ADAM17: variants seen among roughly 807,000 people sequenced by gnomAD.
ADAM17 encodes disintegrin and metalloproteinase domain-containing protein 17.
A neutral mutation model predicts 96.7 loss-of-function variants in ADAM17; 39 were observed. That is an observed-to-expected ratio of 0.40 (90% confidence interval 0.31 to 0.53). ADAM17 has a LOEUF of 0.53. ADAM17 is among the 20% of genes least tolerant of loss of function. The probability of loss-of-function intolerance (pLI) is 0.44; values close to 1 mark genes in which losing one functional copy is unlikely to be tolerated. For missense variants in ADAM17, 777 were observed against 1,013.2 expected (o/e 0.77, Z 3.17); for synonymous variants, 344 against 359.2 (o/e 0.96, Z 0.48).
At chr2:9,549,845 TA>T (rs1277047486) in intron 1 of ADAM17, among the ~76,000 whole-genome samples, 1 of 152,164 alleles carries the variant, frequency 6.6e-6, no homozygotes, top group Admixed American at 6.6e-5. Context: ...TAATTTCTTT[TA>T]TTTTTTCAGC....
chr2:9,555,244 A>G (rs972597644), intron 1 of ADAM17, among the ~76,000 whole-genome samples: 2 of 152,106 alleles, frequency 1.3e-5, no homozygotes, highest in Non-Finnish European at 2.9e-5. Context: ...CTCCCCGAAC[A>G]CAAAGCTAGG....
chr2:9,539,373 C>T (rs1665117330), intron 2 of ADAM17, among the ~76,000 whole-genome samples: 3 of 152,154 alleles, frequency 2.0e-5, no homozygotes, highest in Admixed American at 6.5e-5. Context: ...GCTCGGCCTC[C>T]CAAAGTGCTG....
At chr2:9,503,708 G>A (rs1358011117) in intron 12 of ADAM17, among the ~76,000 whole-genome samples, 1 of 151,792 alleles carries the variant, frequency 6.6e-6, no homozygotes, top group Non-Finnish European at 1.5e-5. Context: ...GCGTGGTGGT[G>A]CACACTGTAA....
At chr2:9,507,755 T>G (rs1185422164) in intron 11 of ADAM17, among the ~76,000 whole-genome samples, 2 of 152,154 alleles carry the variant, frequency 1.3e-5, no homozygotes, top group Admixed American at 6.5e-5. Context: ...AGTCTCACTC[T>G]GTCATCCAGG....
At chr2:9,536,669 AG>A (rs1553366228) in intron 3 of ADAM17, 28 bp downstream of exon 3, 1 of 1,612,506 alleles carries the variant, frequency 6.2e-7, no homozygotes, top group Non-Finnish European at 8.5e-7. Context: ...CACCAGACAC[AG>A]GGGCAAACCA....
chr2:9,502,950 C>T (rs1663105312), intron 12 of ADAM17, among the ~76,000 whole-genome samples: 2 of 149,078 alleles, frequency 1.3e-5, no homozygotes, highest in Non-Finnish European at 3.0e-5. Flanking sequence ...ACCAGCCTGG[C>T]CAACATGGTG....
chr2:9,554,070 A>C (rs937855957), intron 1 of ADAM17, among the ~76,000 whole-genome samples: 3 of 148,582 alleles, frequency 2.0e-5, no homozygotes, highest in Non-Finnish European at 4.6e-5. Flanking sequence ...CTTGGAAAAA[A>C]AAAATGGTCT....
chr2:9,511,493 G>A (rs1027654133), intron 10 of ADAM17, among the ~76,000 whole-genome samples: 1 of 151,876 alleles, frequency 6.6e-6, no homozygotes, highest in African/African-American at 2.4e-5. Flanking sequence ...ACAAAACAAT[G>A]TTTTATTTTC....
Position 9,534,562 on chromosome 2 carries a change from C to T in ADAM17, c.450+1272G>A, listed in dbSNP as rs146283701. 8.8e-3 allele frequency among the ~76,000 whole-genome samples: 1,345 copies of T among 152,012 alleles called. 13 individuals carry two copies. The highest frequency in any genetic ancestry group is 0.014 in the Non-Finnish European group (933 of 67,962). On this transcript the variant is annotated intron_variant, in intron 4 of 18. Transcript: ENST00000310823. ...AAAACAAACAAACAAACAAACAAAA[C>T]CCTAATTTAGATCTATATTAACACG...
At chr2:9,493,096 C>G in intron 16 of ADAM17, 110 bp from the exon 17 acceptor site, 1 of 838,614 alleles carries the variant, frequency 1.2e-6, no homozygotes. Context: ...GCTGGCTAGA[C>G]ATACTACCGA....
chr2:9,517,767 A>C (rs958676639), intron 10 of ADAM17, 134 bp downstream of exon 10: 1 of 578,370 alleles, frequency 1.7e-6, no homozygotes, highest in African/African-American at 2.0e-5. Context: ...ACAAAAATAC[A>C]TAAATTTTAT....
intron 14 of ADAM17, among the ~76,000 whole-genome samples, chr2:9,495,884 G>T (rs1207542135): frequency 6.8e-6 from 1 of 146,476 alleles, no homozygotes; most frequent in African/African-American, 2.5e-5. Context: ...TTTTTAAGAG[G>T]TGAGGTTTCA....
At position 9,505,268 on chromosome 2, in the gene ADAM17, G is replaced by A. The variant is rs760407268; in HGVS notation, c.1442C>T (p.Ser481Leu). 76 of 1,613,912 alleles carry A rather than the reference G, an allele frequency of 4.7e-5. No individual in the cohort carries two copies. Among genetic ancestry groups the A allele is most frequent in the Non-Finnish European group, 6.2e-5 (73 of 1,180,018 alleles). Residue 481 changes from serine to leucine, a missense_variant, in exon 12 of 19, where the codon TCG becomes TTG. Transcript: ENST00000310823. ...ACACTCTTCTCCTTCATCCACCCTC[G>A]AGTTCCCACAAACTTTATTGCTGCG... is the stretch of plus-strand genomic sequence containing the variant. ...QERSNKVCGN[S>L]RVDEGEECDP...
intron 7 of ADAM17, chr2:9,522,563 C>T: frequency 6.4e-6 from 3 of 465,422 alleles, no homozygotes; most frequent in Non-Finnish European, 1.2e-5. Flanking sequence ...AAAATTTTTT[C>T]AACCTCTAAA....
At chr2:9,538,460 G>A (rs1315522286) in intron 2 of ADAM17, among the ~76,000 whole-genome samples, 3 of 152,050 alleles carry the variant, frequency 2.0e-5, no homozygotes, top group Non-Finnish European at 4.4e-5. Flanking sequence ...GTAAATCCTT[G>A]GAACATTTTC....
Position 9,523,355 on chromosome 2 carries a change from A to G in ADAM17, c.754-17T>C. 6.4e-7 allele frequency: 1 copy of G among 1,572,374 alleles called. No homozygotes were observed. The highest frequency in any genetic ancestry group is 8.7e-7 in the Non-Finnish European group (1 of 1,144,840). On this transcript the variant is annotated splice_polypyrimidine_tract_variant and intron_variant, in intron 6 of 18. Transcript: ENST00000310823. ...TAGCTCTATCTGTGTGTATTTAAAA[A>G]AGAAAAAAGACATTATGTAACTCTT...
chr2:9,527,814 T>C lies in ADAM17; in HGVS notation c.591A>G (p.Lys197=), dbSNP rs1035434679. 2 of 1,597,708 alleles carry C rather than the reference T, an allele frequency of 1.3e-6. No individual in the cohort carries two copies. Among genetic ancestry groups the C allele is most frequent in the Admixed American group, 3.5e-5 (2 of 56,700 alleles). ...LKVDNEELLP[K]GLVDREPPEE... ...CAGGTGGTTCTCTGTCTACTAACCC[T>C]TTTGGGAGCAACTCTTCATTATCCA... Residue 197 remains lysine (K), a synonymous_variant, in exon 5 of 19, where the codon AAA becomes AAG. Transcript: ENST00000310823.
intron 2 of ADAM17, 121 bp from the exon 3 acceptor site, chr2:9,536,949 C>A (rs923033401): frequency 3.3e-5 from 38 of 1,149,456 alleles, no homozygotes; most frequent in Non-Finnish European, 4.3e-5. Flanking sequence ...ATGCAAGTTA[C>A]AACTAAAGTC....
chr2:9,529,428 G>T (rs564641391), intron 4 of ADAM17, among the ~76,000 whole-genome samples: 1 of 152,086 alleles, frequency 6.6e-6, no homozygotes, highest in Non-Finnish European at 1.5e-5. Context: ...TCCAGCCTGG[G>T]TGACAGAGCA....
Sources: gnomAD v4.1 joint callset for allele counts (sites outside exome capture counted in the v4.1 genomes callset) on GRCh38, gnomAD v4.1.1 for gene constraint, MANE v1.5 for transcripts, NCBI Gene and HGNC (gene_info 2026-07-23, HGNC 2026-07-21) for gene names.